The following SKIC3 variants were observed in gnomAD, a reference collection of about 807,000 sequenced individuals.
The protein encoded by SKIC3 is SKI3 subunit of superkiller complex, also known as superkiller complex protein 3.
At chr5:95,544,498 G>C in the SKIC3 span, among the ~76,000 whole-genome samples, 1 of 152,210 alleles carries the variant, frequency 6.6e-6, no homozygotes, top group South Asian at 2.1e-4. Flanking sequence ...AGACCACTTA[G>C]CCTGTGTGTG....
At chr5:95,480,153 TA>T in the SKIC3 span, among the ~76,000 whole-genome samples, 3 of 151,732 alleles carry the variant, frequency 2.0e-5, no homozygotes, top group Non-Finnish European at 2.9e-5. Flanking sequence ...AACAAAATAT[TA>T]AAAAAAACTT....
the SKIC3 span, chr5:95,536,803 A>G: frequency 6.3e-7 from 1 of 1,585,836 alleles, no homozygotes; most frequent in South Asian, 1.1e-5. Context: ...ACACTATAAT[A>G]AGGAAGAAAT....
At chr5:95,508,593 T>C in the SKIC3 span, among the ~76,000 whole-genome samples, 1 of 152,198 alleles carries the variant, frequency 6.6e-6, no homozygotes, top group African/African-American at 2.4e-5. Context: ...AGTAAATCTA[T>C]CCATTCTTAA....
chr5:95,512,938 AC>A, the SKIC3 span: 5 of 309,230 alleles, frequency 1.6e-5, no homozygotes, highest in South Asian at 1.8e-4. Context: ...GAATTCTACA[AC>A]ATTTTCATAA....
At chr5:95,471,903 G>C in the SKIC3 span, among the ~76,000 whole-genome samples, 1 of 152,190 alleles carries the variant, frequency 6.6e-6, no homozygotes, top group Non-Finnish European at 1.5e-5. Context: ...AAAATAAAGT[G>C]TAGGGCCCTT....
chr5:95,476,788 G>T, the SKIC3 span, among the ~76,000 whole-genome samples: 22 of 152,206 alleles, frequency 1.4e-4, no homozygotes, highest in South Asian at 1.5e-3. Context: ...TGGGGTGGGG[G>T]ATTCAGGGGG....
chr5:95,535,561 C>T, the SKIC3 span, among the ~76,000 whole-genome samples: 3 of 151,792 alleles, frequency 2.0e-5, no homozygotes, highest in Admixed American at 6.6e-5. Flanking sequence ...CCGCCTGCCT[C>T]GGCCTCCCAA....
chr5:95,528,949 A>G, the SKIC3 span: 1 of 1,479,760 alleles, frequency 6.8e-7, no homozygotes, highest in South Asian at 1.1e-5. Context: ...TAAGATAAAA[A>G]CAAATAGGGT....
chr5:95,464,688 G>A, the SKIC3 span: 1 of 1,609,766 alleles, frequency 6.2e-7, no homozygotes, highest in Middle Eastern at 1.7e-4. Flanking sequence ...GCACCTATGG[G>A]AAATCACATA....
the SKIC3 span, among the ~76,000 whole-genome samples, chr5:95,500,209 A>G: frequency 6.6e-6 from 1 of 152,182 alleles, no homozygotes; most frequent in South Asian, 2.1e-4. Context: ...TTGTACCAGG[A>G]ATCACAAGTT....
At chr5:95,539,602 G>A in the SKIC3 span, among the ~76,000 whole-genome samples, 34 of 152,156 alleles carry the variant, frequency 2.2e-4, no homozygotes, top group African/African-American at 7.2e-4. Flanking sequence ...CCAACACTTT[G>A]GGGGGCTGAA....
chr5:95,487,768 A>C, the SKIC3 span, among the ~76,000 whole-genome samples: 2 of 152,200 alleles, frequency 1.3e-5, no homozygotes, highest in Non-Finnish European at 2.9e-5. Context: ...GGACAAAGGA[A>C]ACAAGAAAAA....
At chr5:95,512,272 C>A in the SKIC3 span, among the ~76,000 whole-genome samples, 10 of 152,202 alleles carry the variant, frequency 6.6e-5, no homozygotes, top group Non-Finnish European at 1.5e-4. Context: ...TTTTTTCTTG[C>A]ATCATTAGGT....
chr5:95,487,175 C>T, the SKIC3 span, among the ~76,000 whole-genome samples: 1 of 152,264 alleles, frequency 6.6e-6, no homozygotes, highest in African/African-American at 2.4e-5. Flanking sequence ...ATGCTTCCTG[C>T]CCTCAAACAT....
the SKIC3 span, among the ~76,000 whole-genome samples, chr5:95,491,559 T>C: frequency 6.6e-6 from 1 of 152,218 alleles, no homozygotes; most frequent in Non-Finnish European, 1.5e-5. Context: ...TGACTATCTA[T>C]CCCTCATTCA....
chr5:95,523,771 C>T, the SKIC3 span: 55 of 1,613,460 alleles, frequency 3.4e-5, no homozygotes, highest in African/African-American at 1.9e-4. Context: ...TCTCCCACTA[C>T]GTCTCTATAA....
At chr5:95,548,875 C>T in the SKIC3 span, among the ~76,000 whole-genome samples, 1 of 151,940 alleles carries the variant, frequency 6.6e-6, no homozygotes, top group Non-Finnish European at 1.5e-5. Flanking sequence ...ACAACCATTA[C>T]ATAAGGAGGA....
the SKIC3 span, among the ~76,000 whole-genome samples, chr5:95,487,249 A>G: frequency 2.0e-5 from 3 of 152,152 alleles, no homozygotes; most frequent in Non-Finnish European, 4.4e-5. Flanking sequence ...GCTTGCAAAC[A>G]GCCTGTTGTG....
chr5:95,552,749 T>A, the SKIC3 span, among the ~76,000 whole-genome samples: 2 of 151,970 alleles, frequency 1.3e-5, no homozygotes, highest in Non-Finnish European at 2.9e-5. Flanking sequence ...CCTTTTCTGA[T>A]AGCATAGAAT....
Sources: allele counts gnomAD v4.1 joint callset (sites outside exome capture counted in the v4.1 genomes callset), GRCh38; gene constraint gnomAD v4.1.1; transcripts MANE v1.5; gene names NCBI Gene and HGNC (gene_info 2026-07-23, HGNC 2026-07-21).